The following CTSB variants were observed in gnomAD, a reference collection of about 807,000 sequenced individuals.
CTSB encodes the protein APP secretase.
CTSB carries 57 observed loss-of-function variants against 44.3 expected under a neutral mutation model. The ratio of observed to expected loss-of-function variants is 1.29; its 90% CI spans 1.04 to 1.60. The LOEUF is 1.60. Ranked by LOEUF, CTSB falls within the 40% of genes most tolerant of loss-of-function variation. The probability of loss-of-function intolerance (pLI) is 0.00; values close to 1 mark genes in which losing one functional copy is unlikely to be tolerated. For synonymous variants in CTSB, 320 were observed against 168.0 expected (o/e 1.91, Z -7.00); for missense variants, 768 against 443.0 (o/e 1.73, Z -6.59).
At chr8:11,847,607 C>T (rs1475210362) in intron 7 of CTSB, 72 bp downstream of exon 7, 7 of 1,476,606 alleles carry the variant, frequency 4.7e-6, no homozygotes, top group Non-Finnish European at 3.6e-6. Context: ...GACCTCTTCG[C>T]TGCAGCGTGA....
At chr8:11,845,392 G>A (rs904312185) in intron 9 of CTSB, among the ~76,000 whole-genome samples, 170 bp from the exon 10 acceptor site, 5 of 152,294 alleles carry the variant, frequency 3.3e-5, no homozygotes, top group Admixed American at 6.5e-5. Context: ...ACACCTCCAC[G>A]GGCAAGCCCC....
intron 4 of CTSB, 118 bp from the exon 5 acceptor site, chr8:11,849,282 C>G: frequency 1.5e-6 from 1 of 674,576 alleles, no homozygotes; most frequent in Non-Finnish European, 2.6e-6. Flanking sequence ...TCTCTCAACA[C>G]CAGGGGACGC....
intron 2 of CTSB, among the ~76,000 whole-genome samples, chr8:11,853,014 C>T (rs999750006): frequency 1.3e-5 from 2 of 152,204 alleles, no homozygotes; most frequent in Admixed American, 6.5e-5. Context: ...TAAACTGCCA[C>T]TGTGCCACGG....
Position 11,845,709 on chromosome 8 carries a change from G to A in CTSB, c.874C>T (p.Pro292Ser), listed in dbSNP as rs755378973. ...ILGWGVENGT[P>S]YWLVANSWNT... The stretch of plus-strand genomic sequence containing the variant: ...CAGGAGTTGGCAACCAGCCAGTAGG[G>A]TGTGCCATTCTCCACTCCCCAGCCC... The change falls in exon 9 of 10, where the codon CCC becomes TCC. Residue 292 changes from proline (P) to serine (S), a missense_variant. Coordinates refer to ENST00000353047, the MANE Select transcript of CTSB (RefSeq NM_001908.5). 8 of 1,614,014 alleles carry A rather than the reference G, an allele frequency of 5.0e-6. No individual in the cohort carries two copies. The African/African-American group carries it at 1.1e-4, about 22-fold the overall frequency.
At chr8:11,850,319 T>G (rs557201795) in intron 4 of CTSB, among the ~76,000 whole-genome samples, 1 of 146,568 alleles carries the variant, frequency 6.8e-6, no homozygotes, top group Non-Finnish European at 1.5e-5. Context: ...CTGGGGAGAC[T>G]GAGGCAGGAG....
At chr8:11,866,732 C>A (rs1189168696) in intron 1 of CTSB, among the ~76,000 whole-genome samples, 2 of 152,144 alleles carry the variant, frequency 1.3e-5, no homozygotes, top group South Asian at 2.1e-4. Context: ...TGGTGGCGGG[C>A]ACCTGTAATC....
chr8:11,858,138 G>T (rs966937336), intron 1 of CTSB, among the ~76,000 whole-genome samples: 2 of 152,192 alleles, frequency 1.3e-5, no homozygotes, highest in Non-Finnish European at 2.9e-5. Flanking sequence ...CAAAGCGCCG[G>T]CACATGCCTG....
At chr8:11,852,196 C>T (rs1231840938) in intron 3 of CTSB, among the ~76,000 whole-genome samples, 3 of 152,124 alleles carry the variant, frequency 2.0e-5, no homozygotes, top group Non-Finnish European at 2.9e-5. Context: ...TATGGCGAAA[C>T]CCAGTCTCTA....
At position 11,844,026 on chromosome 8, in the gene CTSB, C is replaced by G. The variant is rs1812756188; in HGVS notation, c.*1099G>C. The G allele has an allele frequency of 6.6e-6, 1 of 152,162 alleles. No homozygotes were observed. The highest frequency in any genetic ancestry group is 1.5e-5 in the Non-Finnish European group (1 of 68,060). 9.4% of individuals were successfully genotyped at this position (152,162 alleles called of 1,614,324 possible). A position where few individuals can be genotyped will look rare whatever the true frequency, so the allele number is the denominator to read the frequency against. ...CCAGCCTGGGAGACGGAATCTCACT[C>G]TGTCAGTCACAACAACAACAAAAAA... is the stretch of plus-strand genomic sequence containing the variant. On this transcript the variant is annotated 3_prime_UTR_variant, in exon 10 of 10. Coordinates refer to ENST00000353047, the MANE Select transcript of CTSB (RefSeq NM_001908.5).
At position 11,842,719 on chromosome 8, in the gene CTSB, C is replaced by T. The variant is rs1812470722; in HGVS notation, c.*2406G>A. ...TGGCGTGATCTCGGCTCACTGCATCCTCTGCCTCCCAGGTTCAAGCGATTC... is the reference window on the plus strand; with the variant it reads ...TGGCGTGATCTCGGCTCACTGCATCTTCTGCCTCCCAGGTTCAAGCGATTC... On this transcript the variant is annotated 3_prime_UTR_variant, in exon 10 of 10. Coordinates refer to ENST00000353047, the MANE Select transcript of CTSB (RefSeq NM_001908.5). 6.6e-6 allele frequency: 1 copy of T among 152,076 alleles called. No individual in the cohort carries two copies. Among genetic ancestry groups the T allele is most frequent in the Non-Finnish European group, 1.5e-5 (1 of 68,072 alleles). The allele number at this position is 152,076 out of a possible 1,614,324, so 9.4% of individuals were successfully genotyped here. A position where few individuals can be genotyped will look rare whatever the true frequency, so the allele number is the denominator to read the frequency against.
rs183413463 is a variant in CTSB at position 11,847,178 on chromosome 8, G to A, written c.677-10C>T. 3.8e-6 allele frequency: 6 copies of A among 1,577,588 alleles called. No homozygotes were observed. In the African/African-American group the frequency reaches 5.4e-5, roughly 14 times the overall value. On this transcript the variant is annotated splice_polypyrimidine_tract_variant and intron_variant, in intron 7 of 9. Transcript: ENST00000353047. ...CTGTAGGAATTGTATCCTGGAAAAT[G>A]AACCGAGCTCGGGGTTGGGGAGGGC...
Position 11,844,803 on chromosome 8 carries a change from G to A in CTSB, c.*322C>T, listed in dbSNP as rs925734993. ...GTTAGGAACTCCGCTTTCCATTCCT[G>A]CGTCTCTGTCTTGCTCCCTGGAGAT... On this transcript the variant is annotated 3_prime_UTR_variant, in exon 10 of 10. Coordinates refer to ENST00000353047, the MANE Select transcript of CTSB (RefSeq NM_001908.5). 3.7e-6 allele frequency: 1 copy of A among 273,458 alleles called. No individual in the cohort carries two copies. The highest frequency in any genetic ancestry group is 7.0e-6 in the Non-Finnish European group (1 of 143,838). The allele number at this position is 273,458 out of a possible 1,614,324, so 16.9% of individuals were successfully genotyped here.
At chr8:11,847,205 G>T (rs369769242) in intron 7 of CTSB, 37 bp from the exon 8 acceptor site, 1 of 1,377,882 alleles carries the variant, frequency 7.3e-7, no homozygotes, top group Non-Finnish European at 1.0e-6. Flanking sequence ...GGGGAGGGCA[G>T]TGACCGTGCC....
intron 3 of CTSB, 59 bp downstream of exon 3, chr8:11,852,551 C>G (rs923400907): frequency 1.0e-5 from 15 of 1,437,770 alleles, no homozygotes; most frequent in Non-Finnish European, 1.4e-5. Flanking sequence ...CCACTTCCCA[C>G]TGCCCCAAAC....
chr8:11,848,851 C>A (rs112769615), intron 5 of CTSB, 195 bp downstream of exon 5: 301 of 516,912 alleles, frequency 5.8e-4, no homozygotes, highest in Non-Finnish European at 6.4e-4. Flanking sequence ...ACAGCTCTGC[C>A]GGGCCAGCCT....
chr8:11,866,577 G>C (rs929535690), intron 1 of CTSB, among the ~76,000 whole-genome samples: 1 of 152,228 alleles, frequency 6.6e-6, no homozygotes, highest in African/African-American at 2.4e-5. Context: ...CAGCACCAGA[G>C]CCAACAAGAA....
At chr8:11,851,009 C>A in intron 3 of CTSB, 29 bp from the exon 4 acceptor site, 1 of 1,541,460 alleles carries the variant, frequency 6.5e-7, no homozygotes, top group Non-Finnish European at 8.9e-7. Context: ...TCATTACAAG[C>A]TCTGATCCCA....
At position 11,847,724 on chromosome 8, in the gene CTSB, A is replaced by C; in HGVS notation, c.631T>G (p.Cys211Gly). Residue 211 changes from cysteine to glycine, a missense_variant, in exon 7 of 10, where the codon TGT becomes GGT. Coordinates refer to ENST00000353047, the MANE Select transcript of CTSB (RefSeq NM_001908.5). ...EGDTPKCSKICEPGYSPTYKQ... is the reference protein window; with the variant it reads ...EGDTPKCSKIGEPGYSPTYKQ... ...TAGGTCGGGCTGTAGCCAGGCTCACAGATCTTGCTACACTTGGGGGTATCT... is the reference window on the plus strand; with the variant it reads ...TAGGTCGGGCTGTAGCCAGGCTCACCGATCTTGCTACACTTGGGGGTATCT... 1 of 1,596,450 alleles carries C rather than the reference A, an allele frequency of 6.3e-7. No individual in the cohort carries two copies. Among genetic ancestry groups the C allele is most frequent in the Non-Finnish European group, 8.5e-7 (1 of 1,173,590 alleles).
chr8:11,850,745 G>C (rs539237970), intron 4 of CTSB, 121 bp downstream of exon 4: 2 of 610,520 alleles, frequency 3.3e-6, no homozygotes, highest in Admixed American at 2.8e-5. Context: ...TGGAAACTGG[G>C]ACTCAGAAAG....
Sources: gnomAD v4.1 joint callset for allele counts (sites outside exome capture counted in the v4.1 genomes callset) on GRCh38, gnomAD v4.1.1 for gene constraint, MANE v1.5 for transcripts, NCBI Gene and HGNC (gene_info 2026-07-23, HGNC 2026-07-21) for gene names.